The following TSNAXIP1 variants were observed in gnomAD, a reference collection of about 807,000 sequenced individuals.
The protein encoded by TSNAXIP1 is translin associated factor X interacting protein 1.
In TSNAXIP1, 89 loss-of-function variants were observed where a neutral mutation model predicts 84.8. The ratio of observed to expected loss-of-function variants is 1.05; its 90% CI spans 0.88 to 1.25. The LOEUF (loss-of-function observed/expected upper bound fraction) is 1.25. Among genes scored for constraint, TSNAXIP1 ranks in the 50% most tolerant of loss-of-function variants. TSNAXIP1 has a pLI of 0.00. For missense variants in TSNAXIP1, 874 were observed against 887.6 expected (o/e 0.98, Z 0.20); for synonymous variants, 347 against 335.2 (o/e 1.04, Z -0.39).
chr16:67,827,905 T>C lies in TSNAXIP1; in HGVS notation c.2051T>C (p.Val684Ala), dbSNP rs565842249. Reference sequence around the variant, plus strand: ...GAGGGTGACGAGAAGGAAGAAGCCGTGGTGGAAATCCTCCAGACTGCCCTG... The same window carrying C: ...GAGGGTGACGAGAAGGAAGAAGCCGCGGTGGAAATCCTCCAGACTGCCCTG... Reference protein sequence around the residue: ...PEEGDEKEEAVVEILQTALER... With the variant: ...PEEGDEKEEAAVEILQTALER... Residue 684 changes from valine (V) to alanine (A), a missense_variant, in exon 16 of 16, where the codon GTG (valine) becomes GCG (alanine). Coordinates refer to ENST00000561639, the MANE Select transcript of TSNAXIP1 (RefSeq NM_001288990.3). 5 of 1,613,918 alleles carry C rather than the reference T, an allele frequency of 3.1e-6. No homozygotes were observed. In the South Asian group the frequency reaches 5.5e-5, roughly 18 times the overall value.
intron 4 of TSNAXIP1, among the ~76,000 whole-genome samples, chr16:67,821,513 G>A (rs913633436): frequency 3.3e-5 from 5 of 151,042 alleles, no homozygotes; most frequent in African/African-American, 1.2e-4. Flanking sequence ...GGAGGCAGCG[G>A]TTGCAGTGAG....
chr16:67,812,396 G>A (rs771390286), intron 1 of TSNAXIP1, among the ~76,000 whole-genome samples: 10 of 151,940 alleles, frequency 6.6e-5, no homozygotes, highest in Non-Finnish European at 1.0e-4. Flanking sequence ...GGCCGGGCAC[G>A]GTGGCTCACA....
chr16:67,806,981 T>C lies in TSNAXIP1; in HGVS notation c.-169T>C. 1 of 1,094,864 alleles carries C rather than the reference T, an allele frequency of 9.1e-7. No individual in the cohort carries two copies. The highest frequency in any genetic ancestry group is 1.3e-6 in the Non-Finnish European group (1 of 789,864). 67.8% of individuals were successfully genotyped at this position (1,094,864 alleles called of 1,614,324 possible). ...CTGCCGGGTCCCAGTCCACCTTTGC[T>C]ACTTTGTCCTACTCCCAGCCCGCGG... On this transcript the variant is annotated 5_prime_UTR_variant, in exon 1 of 16. Transcript: ENST00000561639.
intron 2 of TSNAXIP1, among the ~76,000 whole-genome samples, chr16:67,817,755 G>A: frequency 7.3e-6 from 1 of 137,562 alleles, no homozygotes; most frequent in Non-Finnish European, 1.5e-5. Context: ...GCCGGGTGTG[G>A]TGGTGCGTGC....
At chr16:67,824,018 CAAA>C (rs10674785) in intron 5 of TSNAXIP1, among the ~76,000 whole-genome samples, 2 of 89,148 alleles carry the variant, frequency 2.2e-5, no homozygotes, top group Non-Finnish European at 4.1e-5. Context: ...GACTCCATCG[CAAA>C]AAAAAAAAAA....
chr16:67,816,159 G>C (rs1026673967), intron 2 of TSNAXIP1, among the ~76,000 whole-genome samples: 5 of 151,680 alleles, frequency 3.3e-5, no homozygotes, highest in African/African-American at 1.2e-4. Context: ...AGTAGAGATG[G>C]GGTTTTACCG....
intron 1 of TSNAXIP1, 175 bp downstream of exon 1, chr16:67,807,371 C>T: frequency 3.3e-6 from 5 of 1,531,268 alleles, no homozygotes; most frequent in Non-Finnish European, 4.4e-6. Context: ...GAAGACGTTA[C>T]GTGCTAGCAA....
Position 67,820,915 on chromosome 16 carries a change from G to A in TSNAXIP1, c.224G>A (p.Arg75Gln), listed in dbSNP as rs761157513. The change falls in exon 3 of 16, where the codon CGA (arginine) becomes CAA (glutamine). Residue 75 changes from arginine to glutamine, a missense_variant. Physicochemically the swap from Arg to Gln is conservative, Grantham distance 43. Transcript: ENST00000561639. ...AGTGGCCAGACCATTTTGCAAAATC[G>A]AAAACCCTGTTCAGATGACTACCGG... The part of the protein sequence containing the change: ...YTSGQTILQN[R>Q]KPCSDDYRKR... The A allele has an allele frequency of 5.0e-5, 81 of 1,604,420 alleles. No homozygotes were observed. The highest frequency in any genetic ancestry group is 6.5e-5 in the Non-Finnish European group (76 of 1,175,440).
chr16:67,824,244 C>T (rs1010573483), intron 5 of TSNAXIP1, among the ~76,000 whole-genome samples: 1 of 152,018 alleles, frequency 6.6e-6, no homozygotes, highest in Non-Finnish European at 1.5e-5. Flanking sequence ...GGGGGGCAGT[C>T]CCTGTTGAAA....
At chr16:67,821,016 G>C in intron 3 of TSNAXIP1, 65 bp downstream of exon 3, 6 of 1,598,188 alleles carry the variant, frequency 3.8e-6, no homozygotes, top group Non-Finnish European at 5.1e-6. Flanking sequence ...CAGGAGACAG[G>C]GCAGGGGCGT....
Position 67,827,926 on chromosome 16 carries a change from C to T in TSNAXIP1, c.2072C>T (p.Ala691Val), listed in dbSNP as rs745608280. 8.1e-6 allele frequency: 13 copies of T among 1,613,786 alleles called. No individual in the cohort carries two copies. The highest frequency in any genetic ancestry group is 4.2e-6 in the Non-Finnish European group (5 of 1,180,040). Residue 691 changes from alanine to valine, a missense_variant, in exon 16 of 16, where the codon GCC becomes GTC. By Grantham distance (64) the Ala-to-Val change is moderately conservative (BLOSUM62 0). Transcript: ENST00000561639. ...EEAVVEILQTALERLQVIDIR... is the reference protein window; with the variant it reads ...EEAVVEILQTVLERLQVIDIR... ...GCCGTGGTGGAAATCCTCCAGACTG[C>T]CCTGGAGCGGCTTCAGGTGATTGAC...
chr16:67,808,147 T>C (rs1329511695), intron 1 of TSNAXIP1, among the ~76,000 whole-genome samples: 2 of 151,814 alleles, frequency 1.3e-5, no homozygotes, highest in Admixed American at 6.6e-5. Flanking sequence ...TTGTATGTAA[T>C]AGGCACCCAG....
chr16:67,814,439 C>T lies in TSNAXIP1; in HGVS notation c.147+38C>T, dbSNP rs1045594324. ...GTTGTTTTGGAACCCCAAATGTCAG[C>T]CCCCAGACCCTATCCGTCTCCCTTC... On this transcript the variant is annotated intron_variant, in intron 2 of 15. Transcript: ENST00000561639. The T allele has an allele frequency of 3.3e-5, 49 of 1,479,710 alleles. No individual in the cohort carries two copies. In the African/African-American group the frequency reaches 6.7e-4, roughly 20 times the overall value. The allele number at this position is 1,479,710 out of a possible 1,614,324, so 91.7% of individuals were successfully genotyped here.
chr16:67,807,076 C>T lies in TSNAXIP1; in HGVS notation c.-74C>T. 2 of 1,515,676 alleles carry T rather than the reference C, an allele frequency of 1.3e-6. No individual in the cohort carries two copies. Among genetic ancestry groups the T allele is most frequent in the South Asian group, 1.2e-5 (1 of 83,078 alleles). 93.9% of individuals were successfully genotyped at this position (1,515,676 alleles called of 1,614,324 possible). On this transcript the variant is annotated 5_prime_UTR_variant, in exon 1 of 16. Coordinates refer to ENST00000561639, the MANE Select transcript of TSNAXIP1 (RefSeq NM_001288990.3). ...CGCGGGGGGGCCTCTGGGGCCTGGT[C>T]GCCATGGCGACCGGCTGTACGCTAC...
At chr16:67,818,696 C>G (rs2056787448) in intron 2 of TSNAXIP1, among the ~76,000 whole-genome samples, 1 of 151,598 alleles carries the variant, frequency 6.6e-6, no homozygotes, top group Admixed American at 6.6e-5. Flanking sequence ...CATAGTGAGA[C>G]CCCATCCTTT....
At chr16:67,810,578 T>C (rs1289751110) in intron 1 of TSNAXIP1, among the ~76,000 whole-genome samples, 1 of 151,714 alleles carries the variant, frequency 6.6e-6, no homozygotes, top group Non-Finnish European at 1.5e-5. Context: ...GAGGTCATGC[T>C]ACTACACTCC....
Position 67,808,220 on chromosome 16 carries a change from A to T in TSNAXIP1, c.47+1024A>T, listed in dbSNP as rs544835439. Among the ~76,000 whole-genome samples the T allele has an allele frequency of 3.9e-5, 6 of 151,960 alleles. No individual in the cohort carries two copies. In the South Asian group the frequency reaches 1.2e-3, roughly 32 times the overall value. ...ATTCCCAGTGGGGGAAAAAAAAAAA[A>T]ACACCACCCAATCCCACCTAAACTC... On this transcript the variant is annotated intron_variant, in intron 1 of 15. Transcript: ENST00000561639.
At chr16:67,811,790 T>G (rs1203373260) in intron 1 of TSNAXIP1, among the ~76,000 whole-genome samples, 2 of 152,124 alleles carry the variant, frequency 1.3e-5, no homozygotes, top group Admixed American at 6.6e-5. Context: ...CAGTGAGCAC[T>G]TGGGGTTGAT....
rs2055495139 is a variant in TSNAXIP1 at position 67,807,022 on chromosome 16, G to C, written c.-128G>C. 1 of 1,424,278 alleles carries C rather than the reference G, an allele frequency of 7.0e-7. No individual in the cohort carries two copies. The highest frequency in any genetic ancestry group is 9.3e-7 in the Non-Finnish European group (1 of 1,078,894). 88.2% of individuals were successfully genotyped at this position (1,424,278 alleles called of 1,614,324 possible). On this transcript the variant is annotated 5_prime_UTR_variant, in exon 1 of 16. Transcript: ENST00000561639. ...CAGCCCGCGGGCGCTAGGCTCGGGG[G>C]CGTGGCGCATCCCTGACTCCGCCCC...
Sources: gnomAD v4.1 joint callset for allele counts (sites outside exome capture counted in the v4.1 genomes callset) on GRCh38, gnomAD v4.1.1 for gene constraint, MANE v1.5 for transcripts, NCBI Gene and HGNC (gene_info 2026-07-23, HGNC 2026-07-21) for gene names.